ISCU: variants seen among roughly 807,000 people sequenced by gnomAD.
The protein encoded by ISCU is iron-sulfur cluster assembly enzyme ISCU.
ISCU carries 13 observed loss-of-function variants against 18.4 expected under a neutral mutation model. The ratio of observed to expected loss-of-function variants is 0.71; its 90% CI spans 0.46 to 1.12. ISCU has a LOEUF of 1.12. Ranked by LOEUF, ISCU falls within the 50% of genes most tolerant of loss-of-function variation. The pLI is 0.00. For missense variants in ISCU, 229 were observed against 208.7 expected (o/e 1.10, Z -0.60); for synonymous variants, 104 against 87.5 (o/e 1.19, Z -1.06).
Position 108,565,337 on chromosome 12 carries a change from AG to A in ISCU, c.249del (p.Lys84ArgfsTer21). On this transcript the variant is annotated frameshift_variant, in exon 3 of 5. Transcript: ENST00000311893. LOFTEE classifies it high-confidence loss of function. Reference sequence around the variant, plus strand: ...CTTTTCTAGATTCAAGTGGATGAAAAGGGGAAGATTGTGGATGCTAGGTTTA... The same window carrying A: ...CTTTTCTAGATTCAAGTGGATGAAAAGGGAAGATTGTGGATGCTAGGTTTA... ...VMKLQIQVDE[K>X]GKIVDARFKT... The A allele has an allele frequency of 6.2e-7, 1 of 1,613,756 alleles. No homozygotes were observed. The highest frequency in any genetic ancestry group is 8.5e-7 in the Non-Finnish European group (1 of 1,179,624).
chr12:108,562,712 C>A lies in ISCU; in HGVS notation c.90C>A (p.Ala30=). The change falls in exon 1 of 5, where the codon GCC becomes GCA. Residue 30 remains alanine, a synonymous_variant. Coordinates refer to ENST00000311893, the MANE Select transcript of ISCU (RefSeq NM_213595.4). ...GCCTGCCCGCCCGGGAGCTGTCGGC[C>A]CCGGCCCGACTCTATCACAAGAAGG... The part of the protein sequence containing the change: ...SPRLPARELS[A]PARLYHKKVV... The A allele has an allele frequency of 6.7e-7, 1 of 1,490,670 alleles. No homozygotes were observed. Among genetic ancestry groups the A allele is most frequent in the East Asian group, 2.7e-5 (1 of 36,840 alleles). 92.3% of individuals were successfully genotyped at this position (1,490,670 alleles called of 1,614,324 possible).
In ISCU at chr12:108,562,829, G is replaced by T. The variant is rs1592788072; in HGVS notation, c.114+93G>T. The T allele has an allele frequency of 7.6e-6, 5 of 660,970 alleles. No individual in the cohort carries two copies. The East Asian group carries it at 1.7e-4, about 23-fold the overall frequency. The allele number at this position is 660,970 out of a possible 1,614,324, so 40.9% of individuals were successfully genotyped here. ...GGGTTCTGCGCAGCTAGGACTGGGA[G>T]CTGTCCCCTCCCACGTCTTTGCCCT... On this transcript the variant is annotated intron_variant, in intron 1 of 4. Coordinates refer to ENST00000311893, the MANE Select transcript of ISCU (RefSeq NM_213595.4).
rs189063751 is a variant in ISCU, at chr12:108,567,911, C to T, written c.418+643C>T. 1.6e-4 allele frequency: 223 copies of T among 1,410,284 alleles called. 1 individual carries two copies. The African/African-American group carries it at 2.7e-3, about 17-fold the overall frequency. 87.4% of individuals were successfully genotyped at this position (1,410,284 alleles called of 1,614,324 possible). A position where few individuals can be genotyped will look rare whatever the true frequency, so the allele number is the denominator to read the frequency against. On this transcript the variant is annotated intron_variant, in intron 4 of 4. Transcript: ENST00000311893. Reference sequence around the variant, plus strand: ...TAATGCTTTTTCCATCATTTCTTAACCTTCTCAGGGAAAGAAGGAATGAGA... The same window carrying T: ...TAATGCTTTTTCCATCATTTCTTAATCTTCTCAGGGAAAGAAGGAATGAGA...
chr12:108,567,964 G>T (rs769968826), intron 4 of ISCU: 33 of 1,483,880 alleles, frequency 2.2e-5, no homozygotes, highest in Middle Eastern at 1.7e-4. Flanking sequence ...ATCGATGGAG[G>T]TTTACTAACC....
chr12:108,568,757 C>T lies in ISCU; in HGVS notation c.419-74C>T, dbSNP rs1253179106. 5 of 1,557,658 alleles carry T rather than the reference C, an allele frequency of 3.2e-6. No homozygotes were observed. In the East Asian group the frequency reaches 9.5e-5, roughly 30 times the overall value. On this transcript the variant is annotated intron_variant, in intron 4 of 4. Transcript: ENST00000311893. ...CCACCAGCACCACTTCCTCCCAGCT[C>T]TTAAAGATTCTATTCCCAAGTCCAT...
chr12:108,568,410 A>G (rs1015650836), intron 4 of ISCU: 31 of 1,096,446 alleles, frequency 2.8e-5, no homozygotes, highest in Non-Finnish European at 3.0e-5. Flanking sequence ...AGGGCATGTC[A>G]ACTTTTTTAT....
upstream of ISCU, among the ~76,000 whole-genome samples, chr12:108,561,965 C>A (rs1193343811): frequency 6.6e-6 from 1 of 152,134 alleles, no homozygotes; most frequent in Non-Finnish European, 1.5e-5. Flanking sequence ...GCTTAATGGG[C>A]AGGAATTATG....
At position 108,568,607 on chromosome 12, in the gene ISCU, C is replaced by A; in HGVS notation, c.419-224C>A. The A allele has an allele frequency of 2.8e-6, 4 of 1,411,752 alleles. No individual in the cohort carries two copies. The East Asian group carries it at 7.9e-5, about 28-fold the overall frequency. The allele number at this position is 1,411,752 out of a possible 1,614,324, so 87.5% of individuals were successfully genotyped here. A position where few individuals can be genotyped will look rare whatever the true frequency, so the allele number is the denominator to read the frequency against. On this transcript the variant is annotated intron_variant, in intron 4 of 4. Transcript: ENST00000311893. ...AGAGGCTAAGGAACTAGCCTGGGAT[C>A]ACAGATTTTTAACCCTAGTCTGTCT...
At chr12:108,561,724 CA>C (rs1379099872), upstream of ISCU, among the ~76,000 whole-genome samples, 9 of 152,164 alleles carry the variant, frequency 5.9e-5, no homozygotes, top group African/African-American at 2.2e-4. Context: ...TTTATAAGAT[CA>C]CATACTGCAA....
In ISCU at chr12:108,568,909, AG is replaced by A. The variant is rs1192258682; in HGVS notation, c.498del (p.Lys167AsnfsTer34). ...GAACCCAAAAAAGGAGAGGCAGAGA[AG>A]AAATGAGCCCTCCCTCGGCGAAGCC... Reference protein sequence around the residue: ...KQEPKKGEAEKK With the variant: ...KQEPKKGEAEXK On this transcript the variant is annotated frameshift_variant, in exon 5 of 5. Coordinates refer to ENST00000311893, the MANE Select transcript of ISCU (RefSeq NM_213595.4). LOFTEE classifies it high-confidence loss of function. 6.2e-7 allele frequency: 1 copy of A among 1,611,484 alleles called. No individual in the cohort carries two copies. Among genetic ancestry groups the A allele is most frequent in the Non-Finnish European group, 8.5e-7 (1 of 1,178,946 alleles).
chr12:108,563,654 C>T (rs1469864794), intron 1 of ISCU: 2 of 263,086 alleles, frequency 7.6e-6, no homozygotes, highest in East Asian at 1.9e-4. Flanking sequence ...CTTCTTCACT[C>T]CTCCCCCTCC....
At chr12:108,561,516 G>A, upstream of ISCU, 1 of 203,918 alleles carries the variant, frequency 4.9e-6, no homozygotes, top group Non-Finnish European at 1.0e-5. Context: ...TCGATTAAAT[G>A]CCTTACTTAT....
chr12:108,562,743 A>G lies in ISCU; in HGVS notation c.114+7A>G. 6 of 1,295,242 alleles carry G rather than the reference A, an allele frequency of 4.6e-6. No homozygotes were observed. Among genetic ancestry groups the G allele is most frequent in the Non-Finnish European group, 5.8e-6 (6 of 1,035,918 alleles). The allele number at this position is 1,295,242 out of a possible 1,614,324, so 80.2% of individuals were successfully genotyped here. On this transcript the variant is annotated splice_region_variant and intron_variant, in intron 1 of 4. Transcript: ENST00000311893. ...CCGACTCTATCACAAGAAGGTAGGGACAAAAGAGGGACGCGCGGAATGCCG... is the reference window on the plus strand; with the variant it reads ...CCGACTCTATCACAAGAAGGTAGGGGCAAAAGAGGGACGCGCGGAATGCCG...
At chr12:108,567,661 CTG>C (rs2030962783) in intron 4 of ISCU, 1 of 1,535,776 alleles carries the variant, frequency 6.5e-7, no homozygotes, top group Admixed American at 2.0e-5. Flanking sequence ...ATTTCAGAAT[CTG>C]TGCTGTTTCC....
At chr12:108,563,025 C>T (rs2030694604) in intron 1 of ISCU, 1 of 265,274 alleles carries the variant, frequency 3.8e-6, no homozygotes, top group Non-Finnish European at 7.1e-6. Context: ...ACTTGTCTTT[C>T]TGAGTCCAGG....
At chr12:108,562,880 G>A (rs1230275584) in intron 1 of ISCU, 144 bp downstream of exon 1, 1 of 441,550 alleles carries the variant, frequency 2.3e-6, no homozygotes, top group Non-Finnish European at 3.9e-6. Flanking sequence ...GCTGCGCAGT[G>A]AGGCTCACTG....
intron 2 of ISCU, chr12:108,565,003 C>T (rs1006741387): frequency 2.5e-6 from 1 of 404,422 alleles, no homozygotes; most frequent in South Asian, 3.0e-5. Context: ...GCCAGATTGC[C>T]CCAGCAGCTG....
chr12:108,562,392 C>T (rs2030616603), upstream of ISCU, among the ~76,000 whole-genome samples: 1 of 152,258 alleles, frequency 6.6e-6, no homozygotes, highest in African/African-American at 2.4e-5. Context: ...CAGAATCCAG[C>T]ACCCAGGACA....
At chr12:108,564,232 G>C in intron 1 of ISCU, 47 bp from the exon 2 acceptor site, 1 of 1,566,188 alleles carries the variant, frequency 6.4e-7, no homozygotes. Flanking sequence ...CCAGAGACCA[G>C]TACCAATAGA....
Sources: gnomAD v4.1 joint callset for allele counts (sites outside exome capture counted in the v4.1 genomes callset) on GRCh38, gnomAD v4.1.1 for gene constraint, MANE v1.5 for transcripts, NCBI Gene and HGNC (gene_info 2026-07-23, HGNC 2026-07-21) for gene names.